HS3ST4: variants seen among roughly 807,000 people sequenced by gnomAD.
HS3ST4 encodes the protein heparan sulfate-glucosamine 3-sulfotransferase 4, also known as heparan sulfate glucosamine 3-O-sulfotransferase 4.
Under a neutral mutation model 29.2 loss-of-function variants are expected in HS3ST4, and 17 were observed. The ratio of observed to expected loss-of-function variants is 0.58; its 90% CI spans 0.40 to 0.87. HS3ST4 has a LOEUF of 0.87. Ranked by LOEUF, HS3ST4 falls within the 40% of genes least tolerant of loss-of-function variation. The pLI, the probability that HS3ST4 is intolerant of heterozygous loss-of-function variation, is 0.00. For missense variants in HS3ST4, 627 were observed against 634.5 expected (o/e 0.99, Z 0.13); for synonymous variants, 314 against 285.7 (o/e 1.10, Z -1.00).
At chr16:25,781,003 A>G (rs1025168190) in intron 1 of HS3ST4, among the ~76,000 whole-genome samples, 2 of 152,214 alleles carry the variant, frequency 1.3e-5, no homozygotes, top group Non-Finnish European at 2.9e-5. Flanking sequence ...ACACAGTTGC[A>G]CATTAATAAT....
chr16:25,893,523 C>T (rs1968030959), intron 1 of HS3ST4, among the ~76,000 whole-genome samples: 3 of 152,162 alleles, frequency 2.0e-5, no homozygotes, highest in Non-Finnish European at 2.9e-5. Context: ...AGATGGATAC[C>T]ATTGGTCAGC....
intron 1 of HS3ST4, among the ~76,000 whole-genome samples, chr16:25,715,439 CA>C (rs1966447679): frequency 6.6e-6 from 1 of 151,136 alleles, no homozygotes; most frequent in African/African-American, 2.4e-5. Flanking sequence ...ATTCCATATG[CA>C]ATTACCATGA....
Position 26,137,226 on chromosome 16 carries a change from T to G in HS3ST4, c.*978T>G, listed in dbSNP as rs1898296189. 1 of 152,116 alleles carries G rather than the reference T, an allele frequency of 6.6e-6. No homozygotes were observed. Among genetic ancestry groups the G allele is most frequent in the Non-Finnish European group, 1.5e-5 (1 of 68,010 alleles). 9.4% of individuals were successfully genotyped at this position (152,116 alleles called of 1,614,324 possible). On this transcript the variant is annotated 3_prime_UTR_variant, in exon 2 of 2. Transcript: ENST00000331351. ...GGTGGACTCTGTCCCCTAGGGTCCCTAGAAGGGCAAAGACCAGAGAGTTGA... is the reference window on the plus strand; with the variant it reads ...GGTGGACTCTGTCCCCTAGGGTCCCGAGAAGGGCAAAGACCAGAGAGTTGA...
chr16:25,759,225 C>A (rs935837246), intron 1 of HS3ST4, among the ~76,000 whole-genome samples: 5 of 152,164 alleles, frequency 3.3e-5, no homozygotes, highest in Non-Finnish European at 7.4e-5. Flanking sequence ...ATTACAATAG[C>A]TTGCAGTTAG....
chr16:25,770,336 G>T (rs758464867), intron 1 of HS3ST4, among the ~76,000 whole-genome samples: 1 of 152,180 alleles, frequency 6.6e-6, no homozygotes, highest in Non-Finnish European at 1.5e-5. Context: ...GTTACCCACT[G>T]CTCCCTTTAT....
At chr16:25,894,528 G>A (rs1036215905) in intron 1 of HS3ST4, among the ~76,000 whole-genome samples, 4 of 148,448 alleles carry the variant, frequency 2.7e-5, no homozygotes, top group African/African-American at 9.9e-5. Context: ...TTTTTGAGAT[G>A]GAGTTTTGCT....
chr16:25,702,807 A>G (rs1347577956), intron 1 of HS3ST4, among the ~76,000 whole-genome samples: 1 of 152,112 alleles, frequency 6.6e-6, no homozygotes, highest in Admixed American at 6.5e-5. Context: ...TACACCCCCA[A>G]TTCAGGGGTA....
intron 1 of HS3ST4, among the ~76,000 whole-genome samples, chr16:26,086,328 GTTTCTT>G (rs1308073552): frequency 1.3e-5 from 2 of 151,002 alleles, no homozygotes; most frequent in South Asian, 4.2e-4. Flanking sequence ...GAAGATTTTT[GTTTCTT>G]TTTCTTTTTC....
chr16:25,704,707 G>T (rs576773897), intron 1 of HS3ST4, among the ~76,000 whole-genome samples: 1 of 151,980 alleles, frequency 6.6e-6, no homozygotes, highest in African/African-American at 2.4e-5. Flanking sequence ...GTGAAACCCC[G>T]TCTCTACTAA....
At chr16:26,010,956 C>T (rs1398697410) in intron 1 of HS3ST4, among the ~76,000 whole-genome samples, 4 of 152,212 alleles carry the variant, frequency 2.6e-5, no homozygotes, top group Non-Finnish European at 4.4e-5. Context: ...TAGCTACTCT[C>T]TCCTAAGGGT....
chr16:25,906,958 G>A (rs747225572), intron 1 of HS3ST4, among the ~76,000 whole-genome samples: 8 of 152,178 alleles, frequency 5.3e-5, no homozygotes, highest in Non-Finnish European at 1.0e-4. Flanking sequence ...GCTTTGAGAA[G>A]CCTAGGCAGG....
At chr16:25,939,311 T>C (rs1968550722) in intron 1 of HS3ST4, among the ~76,000 whole-genome samples, 1 of 97,452 alleles carries the variant, frequency 1.0e-5, no homozygotes, top group Admixed American at 1.1e-4. Flanking sequence ...GCATTTATTA[T>C]TATTATTATT....
intron 1 of HS3ST4, among the ~76,000 whole-genome samples, chr16:25,837,233 C>T (rs900736333): frequency 7.9e-5 from 12 of 152,212 alleles, no homozygotes; most frequent in African/African-American, 2.7e-4. Flanking sequence ...AGCTCATTCA[C>T]GTTCAGAGGA....
chr16:26,127,395 T>C (rs1022793349), intron 1 of HS3ST4, among the ~76,000 whole-genome samples: 1 of 152,350 alleles, frequency 6.6e-6, no homozygotes, highest in South Asian at 2.1e-4. Context: ...GGAGGATTGC[T>C]TGAAACCAGA....
chr16:26,014,332 T>C (rs1969342628), intron 1 of HS3ST4, among the ~76,000 whole-genome samples: 1 of 152,212 alleles, frequency 6.6e-6, no homozygotes, highest in Non-Finnish European at 1.5e-5. Flanking sequence ...TTTTACTTTA[T>C]TTATTTTTAA....
chr16:25,920,133 T>C (rs557982625), intron 1 of HS3ST4, among the ~76,000 whole-genome samples: 16 of 152,308 alleles, frequency 1.1e-4, no homozygotes, highest in African/African-American at 3.8e-4. Context: ...CGGATTCTTC[T>C]GGTCTCATTG....
chr16:25,866,245 T>A (rs763875737), intron 1 of HS3ST4, among the ~76,000 whole-genome samples: 10 of 152,216 alleles, frequency 6.6e-5, no homozygotes, highest in Non-Finnish European at 8.8e-5. Flanking sequence ...AGACTTCATA[T>A]GTGTCATGTG....
At chr16:26,047,281 G>T (rs1006540307) in intron 1 of HS3ST4, among the ~76,000 whole-genome samples, 1 of 152,208 alleles carries the variant, frequency 6.6e-6, no homozygotes, top group Non-Finnish European at 1.5e-5. Flanking sequence ...TAGCAGAAGT[G>T]CCTGGCTTTA....
chr16:25,925,887 CCTT>C (rs1230465566), intron 1 of HS3ST4, among the ~76,000 whole-genome samples: 1 of 152,074 alleles, frequency 6.6e-6, no homozygotes, highest in East Asian at 1.9e-4. Flanking sequence ...TTGTGTCTCT[CCTT>C]CTACCTGCAA....
Sources: gnomAD v4.1 joint callset for allele counts (sites outside exome capture counted in the v4.1 genomes callset) on GRCh38, gnomAD v4.1.1 for gene constraint, MANE v1.5 for transcripts, NCBI Gene and HGNC (gene_info 2026-07-23, HGNC 2026-07-21) for gene names.